SPTBN4: variants seen among roughly 807,000 people sequenced by gnomAD.
The protein encoded by SPTBN4 is spectrin beta chain, non-erythrocytic 4.
A neutral mutation model predicts 277.8 loss-of-function variants in SPTBN4; 96 were observed. The observed-to-expected ratio is 0.35, with a 90% CI of 0.29 to 0.41. SPTBN4 has a LOEUF of 0.41. Ranked by LOEUF, SPTBN4 falls within the 10% of genes least tolerant of loss-of-function variation. The pLI is 1.00. For missense variants in SPTBN4, 3,006 were observed against 3,595.7 expected, an observed-to-expected ratio of 0.84 and a Z score of 4.19; for synonymous variants, 1,481 against 1,580.3, an observed-to-expected ratio of 0.94 and a Z score of 1.49.
intron 32 of SPTBN4, among the ~76,000 whole-genome samples, chr19:40,570,030 A>T (rs1245664952): frequency 6.6e-6 from 1 of 150,460 alleles, no homozygotes; most frequent in Non-Finnish European, 1.5e-5. Flanking sequence ...ACACACACAG[A>T]CACACACACA....
chr19:40,573,902 C>G (rs2081177231), intron 35 of SPTBN4, among the ~76,000 whole-genome samples: 1 of 152,044 alleles, frequency 6.6e-6, no homozygotes, highest in Non-Finnish European at 1.5e-5. Context: ...GAGATCGAGA[C>G]CATCCTGGCT....
chr19:40,538,115 G>A (rs947543009), intron 20 of SPTBN4, among the ~76,000 whole-genome samples: 8 of 152,144 alleles, frequency 5.3e-5, no homozygotes, highest in Non-Finnish European at 7.3e-5. Flanking sequence ...ATGGCCAGAC[G>A]CAGTGGCTCA....
chr19:40,554,500 C>G lies in SPTBN4; in HGVS notation c.4954-16C>G. 1 of 1,478,982 alleles carries G rather than the reference C, an allele frequency of 6.8e-7. No homozygotes were observed. The highest frequency in any genetic ancestry group is 2.5e-5 in the East Asian group (1 of 40,100). 91.6% of individuals were successfully genotyped at this position (1,478,982 alleles called of 1,614,324 possible). ...GCCGCCGCTGCCGCCTCATCGTGGGCGCTTTGTGCCCCCAGGACGAACAGA... is the reference window on the plus strand; with the variant it reads ...GCCGCCGCTGCCGCCTCATCGTGGGGGCTTTGTGCCCCCAGGACGAACAGA... On this transcript the variant is annotated splice_polypyrimidine_tract_variant and intron_variant, in intron 23 of 35. Coordinates refer to ENST00000598249, the MANE Select transcript of SPTBN4 (RefSeq NM_020971.3). This position sits in a 1 kb window ranked among gnomAD's most constrained non-coding sequence, Gnocchi z 5.7.
chr19:40,482,829 C>T (rs964180044), intron 2 of SPTBN4, among the ~76,000 whole-genome samples: 2 of 151,862 alleles, frequency 1.3e-5, no homozygotes, highest in African/African-American at 4.8e-5. Context: ...GGCCTCGTGG[C>T]GCATGCCTGT....
At chr19:40,473,978 C>T (rs2079917022) in intron 2 of SPTBN4, among the ~76,000 whole-genome samples, 1 of 147,554 alleles carries the variant, frequency 6.8e-6, no homozygotes, top group Admixed American at 6.9e-5. Flanking sequence ...CCTGTCTCTA[C>T]TAAAAATAAA....
At chr19:40,506,480 G>C in intron 13 of SPTBN4, 94 bp downstream of exon 13, 1 of 1,475,064 alleles carries the variant, frequency 6.8e-7, no homozygotes, top group Non-Finnish European at 9.0e-7. Flanking sequence ...AGGAAAGAGT[G>C]AGCTCCTTGT....
Position 40,472,468 on chromosome 19 carries a change from TGCC to T in SPTBN4, c.-15-138_-15-136del, listed in dbSNP as rs1211424761. 4.4e-6 allele frequency: 3 copies of T among 684,266 alleles called. No individual in the cohort carries two copies. In the African/African-American group the frequency reaches 5.4e-5, roughly 12 times the overall value. The allele number at this position is 684,266 out of a possible 1,614,324, so 42.4% of individuals were successfully genotyped here. A position where few individuals can be genotyped will look rare whatever the true frequency, so the allele number is the denominator to read the frequency against. On this transcript the variant is annotated intron_variant, in intron 1 of 35. Coordinates refer to ENST00000598249, the MANE Select transcript of SPTBN4 (RefSeq NM_020971.3). ...CTGGGATTACAGGCATGAGCCACTG[TGCC>T]TAGGCCTTATCATTGTTATTATGTC...
Position 40,502,654 on chromosome 19 carries a change from G to A in SPTBN4, c.1204-121G>A. 1.4e-6 allele frequency: 2 copies of A among 1,479,250 alleles called. No individual in the cohort carries two copies. The highest frequency in any genetic ancestry group is 1.8e-4 in the Middle Eastern group (1 of 5,558). 91.6% of individuals were successfully genotyped at this position (1,479,250 alleles called of 1,614,324 possible). A position where few individuals can be genotyped will look rare whatever the true frequency, so the allele number is the denominator to read the frequency against. On this transcript the variant is annotated intron_variant, in intron 10 of 35. Coordinates refer to ENST00000598249, the MANE Select transcript of SPTBN4 (RefSeq NM_020971.3). This position sits in a 1 kb window ranked among gnomAD's most constrained non-coding sequence, Gnocchi z 4.9. ...TTCAGTAGTAAAGTGTCATAAGGAA[G>A]CAATATTTTTTCCAATTTGCATGAA...
chr19:40,480,205 C>T (rs1279779909), intron 2 of SPTBN4, among the ~76,000 whole-genome samples: 1 of 139,888 alleles, frequency 7.1e-6, no homozygotes, highest in Non-Finnish European at 1.5e-5. Flanking sequence ...GAGCGGAGAT[C>T]AAGCCACTGC....
chr19:40,467,956 G>A (rs1171776733), intron 1 of SPTBN4, among the ~76,000 whole-genome samples: 1 of 152,116 alleles, frequency 6.6e-6, no homozygotes, highest in Non-Finnish European at 1.5e-5. Flanking sequence ...GATGTGTGAG[G>A]AAAAGATGAA....
In SPTBN4 at chr19:40,513,074, C is replaced by T. The variant is rs2080411677; in HGVS notation, c.2285C>T (p.Ala762Val). The T allele has an allele frequency of 7.1e-7, 1 of 1,410,856 alleles. No individual in the cohort carries two copies. Among genetic ancestry groups the T allele is most frequent in the Non-Finnish European group, 9.2e-7 (1 of 1,090,344 alleles). 87.4% of individuals were successfully genotyped at this position (1,410,856 alleles called of 1,614,324 possible). A position where few individuals can be genotyped will look rare whatever the true frequency, so the allele number is the denominator to read the frequency against. Residue 762 changes from alanine (A) to valine (V), a missense_variant, in exon 14 of 36, where the codon GCG becomes GTG. By Grantham distance (64) the Ala-to-Val change is moderately conservative. This residue lies in a region of SPTBN4 where 1,759 missense variants were observed against 2,061.5 expected (regional missense o/e 0.85). Coordinates refer to ENST00000598249, the MANE Select transcript of SPTBN4 (RefSeq NM_020971.3). ...CGCTGGCAGAGGCTGGAAGAGGCGG[C>T]GGCGCGGCGAGAGCGGCGGCTGCAG... ...RRRWQRLEEA[A>V]ARRERRLQEA...
At position 40,502,762 on chromosome 19, in the gene SPTBN4, C is replaced by T. The variant is rs2080278035; in HGVS notation, c.1204-13C>T. On this transcript the variant is annotated splice_polypyrimidine_tract_variant and intron_variant, in intron 10 of 35. Coordinates refer to ENST00000598249, the MANE Select transcript of SPTBN4 (RefSeq NM_020971.3). The surrounding 1 kb of genome is among the most constrained non-coding windows in gnomAD (Gnocchi z 4.9). ...GCTGTCAGAGTCTGAGTGCCTCCTC[C>T]CATCTCCTGCAGGCATGGGGTGAGC... 1 of 1,612,564 alleles carries T rather than the reference C, an allele frequency of 6.2e-7. No homozygotes were observed.
intron 20 of SPTBN4, among the ~76,000 whole-genome samples, chr19:40,544,127 C>CTTTTTTTTTTTTTTTTTTTTTTT (rs10618096): frequency 7.8e-6 from 1 of 128,914 alleles, no homozygotes; most frequent in African/African-American, 2.9e-5. Context: ...TCTTCTTCCT[C>CTTTTTTTTTTTTTTTTTTTTTTT]TTTTTTTTTT....
chr19:40,556,894 C>A, intron 25 of SPTBN4, 129 bp from the exon 26 acceptor site: 1 of 1,258,428 alleles, frequency 7.9e-7, no homozygotes, highest in Non-Finnish European at 1.1e-6. Flanking sequence ...AACCACTGCA[C>A]GCCAACCTGG....
rs905928654 is a variant in SPTBN4 at position 40,515,906 on chromosome 19, T to C, written c.2903+458T>C. On this transcript the variant is annotated intron_variant, in intron 15 of 35. Transcript: ENST00000598249. This position sits in a 1 kb window ranked among gnomAD's most constrained non-coding sequence, Gnocchi z 4.1. ...CACACACACACACACACACAAAATA[T>C]ATATATACACACACATATATATACA... Among the ~76,000 whole-genome samples, 8 of 129,060 alleles carry C rather than the reference T, an allele frequency of 6.2e-5. No individual in the cohort carries two copies. The highest frequency in any genetic ancestry group is 2.3e-4 in the Admixed American group (3 of 13,314). 84.7% of individuals were successfully genotyped at this position (129,060 alleles called of 152,430 possible).
intron 20 of SPTBN4, chr19:40,534,739 C>A: frequency 4.9e-6 from 1 of 205,354 alleles, no homozygotes; most frequent in East Asian, 1.1e-4. Context: ...CAAGCACTCA[C>A]TGAACTCATC....
Position 40,515,974 on chromosome 19 carries a change from CAT to C in SPTBN4, c.2903+532_2903+533del, listed in dbSNP as rs1310488006. Among the ~76,000 whole-genome samples the C allele has an allele frequency of 6.8e-6, 1 of 148,122 alleles. No individual in the cohort carries two copies. The highest frequency in any genetic ancestry group is 3.3e-3 in the Middle Eastern group (1 of 304). ...ATACACATATATACGTATATATACA[CAT>C]ATATACGTATATATACACATATATA... is the stretch of plus-strand genomic sequence containing the variant. On this transcript the variant is annotated intron_variant, in intron 15 of 35. Transcript: ENST00000598249. This position sits in a 1 kb window ranked among gnomAD's most constrained non-coding sequence, Gnocchi z 4.1.
At chr19:40,555,917 C>CAA (rs5828071) in intron 24 of SPTBN4, among the ~76,000 whole-genome samples, 167 bp from the exon 25 acceptor site, 9 of 148,262 alleles carry the variant, frequency 6.1e-5, no homozygotes, top group South Asian at 4.3e-4. Flanking sequence ...ACCCTGTCTC[C>CAA]AAAAAAAAAG....
Position 40,513,080 on chromosome 19 carries a change from G to C in SPTBN4, c.2291G>C (p.Arg764Pro). ...RWQRLEEAAA[R>P]RERRLQEARA... is the part of the protein sequence containing the mutation. ...CAGAGGCTGGAAGAGGCGGCGGCGC[G>C]GCGAGAGCGGCGGCTGCAGGAGGCG... The change falls in exon 14 of 36, where the codon CGG becomes CCG. Residue 764 changes from arginine (R) to proline (P), a missense_variant. Arg to Pro is a moderately radical substitution (Grantham distance 103). Transcript: ENST00000598249. The C allele has an allele frequency of 7.1e-7, 1 of 1,412,454 alleles. No homozygotes were observed. Among genetic ancestry groups the C allele is most frequent in the Non-Finnish European group, 9.2e-7 (1 of 1,090,822 alleles). 87.5% of individuals were successfully genotyped at this position (1,412,454 alleles called of 1,614,324 possible).
Sources: gnomAD v4.1 joint callset for allele counts (sites outside exome capture counted in the v4.1 genomes callset) on GRCh38, gnomAD v4.1.1 for gene constraint, gnomAD v4.1.1 regional missense constraint, Gnocchi (gnomAD v3.1) non-coding constraint, MANE v1.5 for transcripts, NCBI Gene and HGNC (gene_info 2026-07-23, HGNC 2026-07-21) for gene names.